Variants in NOL10 observed in about 807,000 individuals in gnomAD.
NOL10 encodes the protein nucleolar protein 10.
NOL10 carries 58 observed loss-of-function variants against 103.5 expected under a neutral mutation model. That is an observed-to-expected ratio of 0.56 (90% CI 0.45 to 0.70). NOL10 has a LOEUF of 0.70. NOL10 is among the 30% of genes least tolerant of loss of function. NOL10 has a pLI of 0.00. For missense variants in NOL10, 763 were observed against 807.3 expected, an observed-to-expected ratio of 0.95 and a Z score of 0.67; for synonymous variants, 287 against 282.5, an observed-to-expected ratio of 1.02 and a Z score of -0.16.
chr2:10,678,259 T>C (rs1337390857), intron 3 of NOL10, among the ~76,000 whole-genome samples: 2 of 151,606 alleles, frequency 1.3e-5, no homozygotes, highest in Non-Finnish European at 2.9e-5. Flanking sequence ...GCTGTGTTGC[T>C]CAAGCTGGTC....
intron 13 of NOL10, among the ~76,000 whole-genome samples, chr2:10,613,878 T>C (rs1160595199): frequency 6.6e-6 from 1 of 151,434 alleles, no homozygotes; most frequent in Non-Finnish European, 1.5e-5. Context: ...ACTGGAACAA[T>C]AATAAAAACA....
At chr2:10,682,661 A>G (rs62127224) in intron 2 of NOL10, among the ~76,000 whole-genome samples, 6,344 of 151,882 alleles carry the variant, frequency 0.042, 562 homozygotes, top group East Asian at 0.39. Flanking sequence ...CAGCCTCCCA[A>G]ACTTCTGGGA....
intron 13 of NOL10, among the ~76,000 whole-genome samples, chr2:10,615,675 A>C (rs191350140): frequency 6.2e-4 from 95 of 152,340 alleles, no homozygotes; most frequent in African/African-American, 2.2e-3. Flanking sequence ...TAACCGGGTA[A>C]ACATGAGAGC....
intron 2 of NOL10, among the ~76,000 whole-genome samples, chr2:10,682,399 CTTT>C (rs761615937): frequency 8.7e-5 from 12 of 138,470 alleles, no homozygotes; most frequent in Admixed American, 1.5e-4. Context: ...CATTAAACCA[CTTT>C]TTTTTTTTTT....
chr2:10,614,046 G>A (rs192890659), intron 13 of NOL10, among the ~76,000 whole-genome samples: 4 of 150,846 alleles, frequency 2.7e-5, no homozygotes, highest in East Asian at 2.0e-4. Context: ...TGCAACCTCC[G>A]CCTCCCGGGT....
At chr2:10,587,490 C>T (rs1232398275) in intron 19 of NOL10, among the ~76,000 whole-genome samples, 5 of 140,536 alleles carry the variant, frequency 3.6e-5, no homozygotes, top group Admixed American at 3.5e-4. Flanking sequence ...AGGATGGTCT[C>T]CATCTCCTGA....
intron 3 of NOL10, among the ~76,000 whole-genome samples, chr2:10,679,196 C>A (rs551015495): frequency 6.6e-6 from 1 of 152,050 alleles, no homozygotes; most frequent in Non-Finnish European, 1.5e-5. Context: ...CCCATCTCTA[C>A]TAAAAATACA....
At chr2:10,680,308 G>GGGAGAAGAAGGAGAAGAA (rs1681652793) in intron 3 of NOL10, among the ~76,000 whole-genome samples, 2 of 90,740 alleles carry the variant, frequency 2.2e-5, no homozygotes, top group Non-Finnish European at 4.1e-5. Flanking sequence ...AAGGAGAAGA[G>GGGAGAAGAAGGAGAAGAA]GGAGAAGAGG....
At chr2:10,652,512 A>C (rs1159951327) in intron 12 of NOL10, among the ~76,000 whole-genome samples, 1 of 152,178 alleles carries the variant, frequency 6.6e-6, no homozygotes, top group Non-Finnish European at 1.5e-5. Flanking sequence ...AGCAGCATGC[A>C]ATCAATCTTA....
intron 20 of NOL10, among the ~76,000 whole-genome samples, chr2:10,572,845 C>A (rs1335304706): frequency 6.6e-6 from 1 of 152,156 alleles, no homozygotes; most frequent in African/African-American, 2.4e-5. Flanking sequence ...CTCGGGCTGA[C>A]TGCTGGAAAG....
chr2:10,665,030 ATTGT>A (rs1303659422), intron 8 of NOL10, among the ~76,000 whole-genome samples: 2 of 152,226 alleles, frequency 1.3e-5, no homozygotes, highest in East Asian at 1.9e-4. Context: ...ATGTTTTAAG[ATTGT>A]TTAATATATT....
chr2:10,613,931 C>CT (rs1676702411), intron 13 of NOL10, among the ~76,000 whole-genome samples: 1 of 150,264 alleles, frequency 6.7e-6, no homozygotes. Flanking sequence ...AACCCACACT[C>CT]TAAGAGGTAG....
chr2:10,679,867 T>C (rs1311335754), intron 3 of NOL10, among the ~76,000 whole-genome samples: 2 of 152,110 alleles, frequency 1.3e-5, no homozygotes, highest in Non-Finnish European at 2.9e-5. Flanking sequence ...GCAATCTGAC[T>C]GCCTCAGCCT....
intron 13 of NOL10, among the ~76,000 whole-genome samples, chr2:10,625,162 T>C (rs2148229272): frequency 6.6e-6 from 1 of 152,082 alleles, no homozygotes; most frequent in East Asian, 1.9e-4. Flanking sequence ...ACTTTTAGGG[T>C]AGGGAGACTA....
chr2:10,652,825 G>A (rs62127206), intron 12 of NOL10, among the ~76,000 whole-genome samples: 5 of 151,406 alleles, frequency 3.3e-5, no homozygotes, highest in Non-Finnish European at 7.3e-5. Flanking sequence ...CTGGACGCCA[G>A]ACACGCCCCC....
At chr2:10,655,100 C>G (rs368720678) in intron 11 of NOL10, among the ~76,000 whole-genome samples, 10 of 151,540 alleles carry the variant, frequency 6.6e-5, no homozygotes, top group African/African-American at 2.2e-4. Context: ...ATCCCAGCTA[C>G]TAGGGAGGCT....
At chr2:10,588,628 C>G (rs1465056677) in intron 19 of NOL10, among the ~76,000 whole-genome samples, 2 of 152,154 alleles carry the variant, frequency 1.3e-5, no homozygotes. Flanking sequence ...AGGCTTCAAA[C>G]CACTGATCTG....
At chr2:10,573,744 T>C (rs1322302720) in intron 20 of NOL10, among the ~76,000 whole-genome samples, 1 of 152,042 alleles carries the variant, frequency 6.6e-6, no homozygotes. Flanking sequence ...CTTCTCTGAC[T>C]ATTACTATTC....
intron 2 of NOL10, among the ~76,000 whole-genome samples, chr2:10,682,490 C>T (rs1233228352): frequency 6.6e-6 from 1 of 151,152 alleles, no homozygotes; most frequent in African/African-American, 2.4e-5. Flanking sequence ...GCCTCAACCT[C>T]CCGGGCTGAA....
Sources: allele counts gnomAD v4.1 joint callset (sites outside exome capture counted in the v4.1 genomes callset), GRCh38; gene constraint gnomAD v4.1.1; transcripts MANE v1.5; gene names NCBI Gene and HGNC (gene_info 2026-07-23, HGNC 2026-07-21).